CD63: variants seen among roughly 807,000 people sequenced by gnomAD.
CD63 encodes CD63 molecule.
CD63 carries 16 observed loss-of-function variants against 29.2 expected under a neutral mutation model. The ratio of observed to expected loss-of-function variants is 0.55; its 90% CI spans 0.37 to 0.83. CD63 has a LOEUF of 0.83. CD63 is among the 40% of genes least tolerant of loss of function. The pLI, the probability that CD63 is intolerant of heterozygous loss-of-function variation, is 0.00. For synonymous variants in CD63, 118 were observed against 111.7 expected, an observed-to-expected ratio of 1.06 and a Z score of -0.36; for missense variants, 251 against 297.3, an observed-to-expected ratio of 0.84 and a Z score of 1.15.
chr12:55,723,557 T>C, downstream of CD63: 1 of 327,412 alleles, frequency 3.1e-6, no homozygotes, highest in South Asian at 2.7e-5. Context: ...ATGGTTTTTT[T>C]TATTTTTAAA....
chr12:55,726,329 G>C (rs1592529351), intron 5 of CD63, 68 bp from the exon 6 acceptor site: 3 of 504,894 alleles, frequency 5.9e-6, no homozygotes, highest in Non-Finnish European at 6.9e-6. Flanking sequence ...ATGGAGATGA[G>C]AATTCTTTTT....
Position 55,727,231 on chromosome 12 carries a change from C to T in CD63, c.175G>A (p.Ala59Thr), listed in dbSNP as rs753043649. 4 of 1,613,806 alleles carry T rather than the reference C, an allele frequency of 2.5e-6. No homozygotes were observed. The highest frequency in any genetic ancestry group is 3.4e-6 in the Non-Finnish European group (4 of 1,180,032). ...PGSLLPVVII[A>T]VGVFLFLVAF... ...ACCAGGAAGAGGAAGACACCCACTG[C>T]GATGATGACCACTGGCAACAGAGAG... The change falls in exon 3 of 8, where the codon GCA (alanine) becomes ACA (threonine). Residue 59 changes from alanine (A) to threonine (T), a missense_variant. By Grantham distance (58) the Ala-to-Thr change is moderately conservative. Coordinates refer to ENST00000257857, the MANE Select transcript of CD63 (RefSeq NM_001780.6).
At chr12:55,726,407 C>A (rs1441013504) in intron 5 of CD63, 146 bp from the exon 6 acceptor site, 3 of 733,320 alleles carry the variant, frequency 4.1e-6, no homozygotes, top group South Asian at 3.8e-5. Flanking sequence ...AGCGGTGGCT[C>A]AATCTCGGCT....
At position 55,728,421 on chromosome 12, in the gene CD63, C is replaced by G. The variant is rs1877658944; in HGVS notation, c.-11-69G>C. 9 of 1,549,108 alleles carry G rather than the reference C, an allele frequency of 5.8e-6. No individual in the cohort carries two copies. The East Asian group carries it at 2.2e-4, about 37-fold the overall frequency. On this transcript the variant is annotated intron_variant, in intron 1 of 7. Coordinates refer to ENST00000257857, the MANE Select transcript of CD63 (RefSeq NM_001780.6). This position sits in a 1 kb window ranked among gnomAD's most constrained non-coding sequence, Gnocchi z 4.8. ...GGGACCTCGGTTTCCGGGCTCCCGG[C>G]CGGCCCTCGAGGGCTTCCCTTCACG...
chr12:55,724,013 A>G, downstream of CD63: 1 of 1,612,890 alleles, frequency 6.2e-7, no homozygotes, highest in Non-Finnish European at 8.5e-7. Context: ...GCCTCCTGCC[A>G]CACAGGCCCA....
In CD63 at chr12:55,727,283, C is replaced by T; in HGVS notation, c.123G>A (p.Gln41=). 1 of 1,613,920 alleles carries T rather than the reference C, an allele frequency of 6.2e-7. No individual in the cohort carries two copies. The highest frequency in any genetic ancestry group is 8.5e-7 in the Non-Finnish European group (1 of 1,180,018). The change falls in exon 3 of 8, where the codon CAG becomes CAA. Residue 41 remains glutamine, a synonymous_variant. Coordinates refer to ENST00000257857, the MANE Select transcript of CD63 (RefSeq NM_001780.6). ...VGVGAQLVLS[Q]TIIQGATPGS... The stretch of plus-strand genomic sequence containing the variant: ...CAGGGGTAGCCCCCTGGATTATGGT[C>T]TGACTCAGGACAAGCTGTGCCCCGA...
chr12:55,727,840 G>A, intron 2 of CD63: 1 of 1,043,418 alleles, frequency 9.6e-7, no homozygotes, highest in Non-Finnish European at 1.2e-6. Flanking sequence ...GGAGCAAATT[G>A]AAGTGGGCAG....
At chr12:55,723,694 T>C, downstream of CD63, 1 of 638,680 alleles carries the variant, frequency 1.6e-6, no homozygotes, top group Non-Finnish European at 2.8e-6. Flanking sequence ...CTGCTCTAGA[T>C]CAAAGAAAAC....
chr12:55,724,816 C>A, downstream of CD63: 1 of 540,126 alleles, frequency 1.9e-6, no homozygotes, highest in Non-Finnish European at 3.3e-6. Flanking sequence ...AGGGAACTGC[C>A]TCACATCTAC....
downstream of CD63, chr12:55,723,705 A>C: frequency 1.5e-6 from 1 of 672,016 alleles, no homozygotes; most frequent in Non-Finnish European, 2.6e-6. Context: ...CAAAGAAAAC[A>C]AACCTCAAAA....
chr12:55,724,242 C>T, downstream of CD63: 1 of 1,545,084 alleles, frequency 6.5e-7, no homozygotes, highest in South Asian at 1.1e-5. Context: ...GGGTGACAAG[C>T]CCAGGGCCCC....
At chr12:55,727,651 T>G in intron 2 of CD63, 1 of 1,120,214 alleles carries the variant, frequency 8.9e-7, no homozygotes, top group Non-Finnish European at 1.1e-6. Context: ...GGCTCCCAGC[T>G]CAATTCTCTC....
Position 55,728,220 on chromosome 12 carries a change from G to A in CD63, c.66+56C>T. The A allele has an allele frequency of 6.9e-7, 1 of 1,455,932 alleles. No individual in the cohort carries two copies. The highest frequency in any genetic ancestry group is 1.9e-5 in the Admixed American group (1 of 53,714). The allele number at this position is 1,455,932 out of a possible 1,614,324, so 90.2% of individuals were successfully genotyped here. ...CATTCCCTCAGCCCTCACCACTGTG[G>A]AGCCAGGTCTCCCCGCACCCTGCCG... is the stretch of plus-strand genomic sequence containing the variant. On this transcript the variant is annotated intron_variant, in intron 2 of 7. Coordinates refer to ENST00000257857, the MANE Select transcript of CD63 (RefSeq NM_001780.6). This position sits in a 1 kb window ranked among gnomAD's most constrained non-coding sequence, Gnocchi z 4.8.
intron 6 of CD63, 111 bp downstream of exon 6, chr12:55,726,010 C>T: frequency 6.8e-7 from 1 of 1,479,590 alleles, no homozygotes; most frequent in Non-Finnish European, 9.4e-7. Context: ...CCACCCTTAG[C>T]ATTTCCAGAT....
In CD63 at chr12:55,728,305, A is replaced by C. The variant is rs1229978386; in HGVS notation, c.37T>G (p.Leu13Val). The C allele has an allele frequency of 1.2e-6, 2 of 1,611,618 alleles. No individual in the cohort carries two copies. Among genetic ancestry groups the C allele is most frequent in the African/African-American group, 2.7e-5 (2 of 75,026 alleles). ...AAGGCCAGCAGGAGGACGTAGAGCA[A>C]GAACTTCACACATTTCATTCCTCCT... ...VEGGMKCVKFLLYVLLLAFCA... is the reference protein window; with the variant it reads ...VEGGMKCVKFVLYVLLLAFCA... Residue 13 changes from leucine to valine, a missense_variant, in exon 2 of 8, where the codon TTG becomes GTG. Coordinates refer to ENST00000257857, the MANE Select transcript of CD63 (RefSeq NM_001780.6). The surrounding 1 kb of genome is among the most constrained non-coding windows in gnomAD (Gnocchi z 4.8).
chr12:55,729,350 G>T (rs1000876538), upstream of CD63: 1 of 157,450 alleles, frequency 6.4e-6, no homozygotes, highest in Non-Finnish European at 1.4e-5. Context: ...CAGAGAAGCG[G>T]ACGAGGTGGG....
Position 55,726,962 on chromosome 12 carries a change from A to G in CD63, c.258T>C (p.Phe86=). ...ACATGATAAGAGACAGAAAGATGGC[A>G]AACTGCAGGAGCAAAGGACAGAAGT... ...CKENYCLMIT[F]AIFLSLIMLV... is the part of the protein sequence containing the mutation. The change falls in exon 4 of 8, where the codon TTT becomes TTC. Residue 86 remains phenylalanine (F), a splice_region_variant and synonymous_variant. Coordinates refer to ENST00000257857, the MANE Select transcript of CD63 (RefSeq NM_001780.6). 1 of 1,614,008 alleles carries G rather than the reference A, an allele frequency of 6.2e-7. No homozygotes were observed. The highest frequency in any genetic ancestry group is 1.3e-5 in the African/African-American group (1 of 75,056).
In CD63 at chr12:55,728,916, G is replaced by A; in HGVS notation, c.-12+37C>T. On this transcript the variant is annotated intron_variant, in intron 1 of 7. Coordinates refer to ENST00000257857, the MANE Select transcript of CD63 (RefSeq NM_001780.6). This position sits in a 1 kb window ranked among gnomAD's most constrained non-coding sequence, Gnocchi z 4.8. ...AAGGGACTGCGGGTGGTCTCTCCCA[G>A]CCCGCGCCGAAGTCCGCCGGGTCCC... 1.0e-6 allele frequency: 1 copy of A among 985,784 alleles called. No individual in the cohort carries two copies. The highest frequency in any genetic ancestry group is 1.2e-6 in the Non-Finnish European group (1 of 830,088). The allele number at this position is 985,784 out of a possible 1,614,324, so 61.1% of individuals were successfully genotyped here. A position where few individuals can be genotyped will look rare whatever the true frequency, so the allele number is the denominator to read the frequency against.
chr12:55,727,538 G>T, intron 2 of CD63, 199 bp from the exon 3 acceptor site: 1 of 1,273,140 alleles, frequency 7.9e-7, no homozygotes, highest in Non-Finnish European at 1.0e-6. Context: ...TCCCCTCCCG[G>T]CTCTTTAATC....
Sources: gnomAD v4.1 joint callset for allele counts on GRCh38, gnomAD v4.1.1 for gene constraint, Gnocchi (gnomAD v3.1) non-coding constraint, MANE v1.5 for transcripts, NCBI Gene and HGNC (gene_info 2026-07-23, HGNC 2026-07-21) for gene names.